CRTAP: variants seen among roughly 807,000 people sequenced by gnomAD.
The protein encoded by CRTAP is cartilage associated protein, also known as cartilage-associated protein.
A neutral mutation model predicts 42.7 loss-of-function variants in CRTAP; 33 were observed. That is an observed-to-expected ratio of 0.77 (90% CI 0.59 to 1.03). The LOEUF is 1.03. Ranked by LOEUF, CRTAP falls within the 50% of genes least tolerant of loss-of-function variation. The pLI, the probability that CRTAP is intolerant of heterozygous loss-of-function variation, is 0.00. For synonymous variants in CRTAP, 243 were observed against 217.7 expected (o/e 1.12, Z -1.02); for missense variants, 613 against 533.9 (o/e 1.15, Z -1.46).
rs1483089870 is a variant in CRTAP, at chr3:33,145,183, C to G, written c.*2735C>G. On this transcript the variant is annotated 3_prime_UTR_variant, in exon 7 of 7. Coordinates refer to ENST00000320954, the MANE Select transcript of CRTAP (RefSeq NM_006371.5). The surrounding 1 kb of genome is among the most constrained non-coding windows in gnomAD (Gnocchi z 4.3). ...TTCAGCTCTATCCTGCTTTCCTCATCCCTTCTGACACCACGTCCTCACTCA... is the reference window on the plus strand; with the variant it reads ...TTCAGCTCTATCCTGCTTTCCTCATGCCTTCTGACACCACGTCCTCACTCA... 6.6e-6 allele frequency: 1 copy of G among 152,658 alleles called. No individual in the cohort carries two copies. Among genetic ancestry groups the G allele is most frequent in the African/African-American group, 2.4e-5 (1 of 41,450 alleles). The allele number at this position is 152,658 out of a possible 1,614,324, so 9.5% of individuals were successfully genotyped here. A position where few individuals can be genotyped will look rare whatever the true frequency, so the allele number is the denominator to read the frequency against.
chr3:33,128,571 T>C (rs1431215569), intron 3 of CRTAP, among the ~76,000 whole-genome samples: 1 of 152,234 alleles, frequency 6.6e-6, no homozygotes, highest in Non-Finnish European at 1.5e-5. Flanking sequence ...TTATTGTTGA[T>C]GTTAATTTTT....
chr3:33,120,390 T>G lies in CRTAP; in HGVS notation c.518T>G (p.Leu173Arg), dbSNP rs139024557. The G allele has an allele frequency of 6.2e-7, 1 of 1,614,080 alleles. No homozygotes were observed. The highest frequency in any genetic ancestry group is 8.5e-7 in the Non-Finnish European group (1 of 1,180,022). ...KAIAAAHTFL[L>R]KHPDDEMMKR... ...ATCGCCGCTGCTCACACCTTTCTAC[T>G]GAAGCATCCTGATGACGAAATGATG... Residue 173 changes from leucine (L) to arginine (R), a missense_variant, in exon 2 of 7, where the codon CTG becomes CGG. Transcript: ENST00000320954.
At chr3:33,117,256 T>C (rs73826214) in intron 1 of CRTAP, among the ~76,000 whole-genome samples, 2,894 of 152,310 alleles carry the variant, frequency 0.019, 82 homozygotes, top group African/African-American at 0.066. Flanking sequence ...GGATAAATGT[T>C]ACTCTGCTGT....
chr3:33,125,488 T>C (rs2030031482), intron 3 of CRTAP, among the ~76,000 whole-genome samples: 1 of 118,038 alleles, frequency 8.5e-6, no homozygotes, highest in East Asian at 2.7e-4. Context: ...TTCTACAAAG[T>C]AGGTTTTTTT....
At chr3:33,138,620 T>G (rs2030489637) in intron 6 of CRTAP, among the ~76,000 whole-genome samples, 1 of 152,236 alleles carries the variant, frequency 6.6e-6, no homozygotes, top group African/African-American at 2.4e-5. Context: ...TCTGCAAACT[T>G]GCTGAACTTA....
At chr3:33,139,834 A>G (rs775265381) in intron 6 of CRTAP, among the ~76,000 whole-genome samples, 1 of 152,196 alleles carries the variant, frequency 6.6e-6, no homozygotes, top group Non-Finnish European at 1.5e-5. Context: ...TTCTGCATCT[A>G]TTGAGATGGT....
intron 1 of CRTAP, among the ~76,000 whole-genome samples, chr3:33,119,855 T>G (rs1393258855): frequency 1.3e-5 from 2 of 152,116 alleles, no homozygotes; most frequent in African/African-American, 4.8e-5. Context: ...AGAGCAGTGA[T>G]TGAAACCGGG....
chr3:33,135,567 T>C (rs1234939318), intron 6 of CRTAP, among the ~76,000 whole-genome samples: 1 of 150,952 alleles, frequency 6.6e-6, no homozygotes. Flanking sequence ...TATTGCGCCA[T>C]TGCACTCCAG....
chr3:33,125,585 C>G (rs374434663), intron 3 of CRTAP, among the ~76,000 whole-genome samples: 1 of 124,830 alleles, frequency 8.0e-6, no homozygotes, highest in Non-Finnish European at 1.6e-5. Flanking sequence ...AGTAGATAAA[C>G]CACCATGTAC....
At chr3:33,134,081 T>C (rs1185086506) in intron 5 of CRTAP, 101 bp from the exon 6 acceptor site, 1 of 809,002 alleles carries the variant, frequency 1.2e-6, no homozygotes, top group African/African-American at 1.7e-5. Context: ...TTTAAACATT[T>C]TCATCACCTT....
At chr3:33,114,604 G>A in intron 1 of CRTAP, 56 bp downstream of exon 1, 1 of 1,512,352 alleles carries the variant, frequency 6.6e-7, no homozygotes, top group Non-Finnish European at 8.9e-7. Flanking sequence ...CCAGCCTCCA[G>A]GCCCTAGCCC....
At chr3:33,128,559 C>A (rs897871633) in intron 3 of CRTAP, among the ~76,000 whole-genome samples, 1 of 151,966 alleles carries the variant, frequency 6.6e-6, no homozygotes, top group South Asian at 2.1e-4. Flanking sequence ...TTGTTTGCAC[C>A]CTTATTGTTG....
chr3:33,140,237 G>A (rs1193301436), intron 6 of CRTAP, among the ~76,000 whole-genome samples: 2 of 152,206 alleles, frequency 1.3e-5, no homozygotes, highest in African/African-American at 4.8e-5. Flanking sequence ...TAGTCACACA[G>A]AGGGTTAGTA....
chr3:33,114,584 C>T lies in CRTAP; in HGVS notation c.471+36C>T, dbSNP rs1339698410. ...CTCGCCCCGTCCCAGGCCCCGGCCC[C>T]GCCCCTGACCCAGCCTCCAGGCCCT... On this transcript the variant is annotated intron_variant, in intron 1 of 6. Transcript: ENST00000320954. 3.2e-6 allele frequency: 5 copies of T among 1,544,502 alleles called. No homozygotes were observed. In the African/African-American group the frequency reaches 5.5e-5, roughly 17 times the overall value.
rs2030710531 is a variant in CRTAP, at chr3:33,146,038, A to C, written c.*3590A>C. On this transcript the variant is annotated 3_prime_UTR_variant, in exon 7 of 7. Coordinates refer to ENST00000320954, the MANE Select transcript of CRTAP (RefSeq NM_006371.5). The stretch of plus-strand genomic sequence containing the variant: ...AAGGAAACCAAACCTTAAAAAAAAA[A>C]AACAAAAACTGGGCTGGGTCTTCCA... The C allele has an allele frequency of 6.7e-6, 1 of 149,814 alleles. No individual in the cohort carries two copies. The highest frequency in any genetic ancestry group is 6.6e-5 in the Admixed American group (1 of 15,184). The allele number at this position is 149,814 out of a possible 1,614,324, so 9.3% of individuals were successfully genotyped here. A position where few individuals can be genotyped will look rare whatever the true frequency, so the allele number is the denominator to read the frequency against.
chr3:33,131,136 A>G (rs192885784), intron 4 of CRTAP, among the ~76,000 whole-genome samples: 96 of 152,210 alleles, frequency 6.3e-4, no homozygotes, highest in Non-Finnish European at 1.9e-4. Flanking sequence ...GTTTCTGGCT[A>G]GAATAGATCC....
In CRTAP at chr3:33,114,037, C is replaced by G; in HGVS notation, c.-41C>G. On this transcript the variant is annotated 5_prime_UTR_variant, in exon 1 of 7. Transcript: ENST00000320954. Reference sequence around the variant, plus strand: ...TTCCTTTCCTTCTCCCTCCCCTTTTCCCTTCCTTCGTCCCTTCCTTCCTTC... The same window carrying G: ...TTCCTTTCCTTCTCCCTCCCCTTTTGCCTTCCTTCGTCCCTTCCTTCCTTC... 1 of 1,396,238 alleles carries G rather than the reference C, an allele frequency of 7.2e-7. No homozygotes were observed. The highest frequency in any genetic ancestry group is 1.4e-5 in the South Asian group (1 of 72,224). The allele number at this position is 1,396,238 out of a possible 1,614,324, so 86.5% of individuals were successfully genotyped here.
intron 2 of CRTAP, among the ~76,000 whole-genome samples, chr3:33,123,234 G>T (rs976406431): frequency 2.6e-5 from 4 of 152,168 alleles, no homozygotes. Flanking sequence ...AGGAAGTGGG[G>T]TGACAGACAC....
At chr3:33,118,265 C>T (rs1021287866) in intron 1 of CRTAP, among the ~76,000 whole-genome samples, 3 of 152,164 alleles carry the variant, frequency 2.0e-5, no homozygotes, top group African/African-American at 7.2e-5. Context: ...GGCCTCTGTG[C>T]CCCTCTTTCT....
Sources: gnomAD v4.1 joint callset for allele counts (sites outside exome capture counted in the v4.1 genomes callset) on GRCh38, gnomAD v4.1.1 for gene constraint, Gnocchi (gnomAD v3.1) non-coding constraint, MANE v1.5 for transcripts, NCBI Gene and HGNC (gene_info 2026-07-23, HGNC 2026-07-21) for gene names.